STXBP5: variants seen among roughly 807,000 people sequenced by gnomAD.
STXBP5 encodes the protein syntaxin binding protein 5, also known as syntaxin-binding protein 5.
STXBP5 carries 50 observed loss-of-function variants against 152.4 expected under a neutral mutation model. The ratio of observed to expected loss-of-function variants is 0.33; its 90% CI spans 0.26 to 0.42. The LOEUF is 0.42. STXBP5 is among the 10% of genes least tolerant of loss of function. The pLI, the probability that STXBP5 is intolerant of heterozygous loss-of-function variation, is 1.00. For missense variants in STXBP5, 1,167 were observed against 1,388.6 expected (o/e 0.84, Z 2.54); for synonymous variants, 492 against 494.7 (o/e 0.99, Z 0.07).
intron 18 of STXBP5, among the ~76,000 whole-genome samples, chr6:147,332,944 G>GAAAC (rs1562251796): frequency 6.6e-6 from 1 of 151,976 alleles, no homozygotes; most frequent in Admixed American, 6.6e-5. Flanking sequence ...CCTCAAAGTG[G>GAAAC]TTTCCCCTAA....
rs971259264 is a variant in STXBP5 at position 147,363,258 on chromosome 6, T to C, written c.2546-77T>C. The C allele has an allele frequency of 1.7e-5, 24 of 1,389,936 alleles. No homozygotes were observed. The African/African-American group carries it at 3.5e-4, about 20-fold the overall frequency. The allele number at this position is 1,389,936 out of a possible 1,614,324, so 86.1% of individuals were successfully genotyped here. A position where few individuals can be genotyped will look rare whatever the true frequency, so the allele number is the denominator to read the frequency against. On this transcript the variant is annotated intron_variant, in intron 23 of 27. Transcript: ENST00000321680. Reference sequence around the variant, plus strand: ...TCAGCATATATTTAAGTATCTACTGTATGTCAAAGTTAGAATAAACGTGTT... The same window carrying C: ...TCAGCATATATTTAAGTATCTACTGCATGTCAAAGTTAGAATAAACGTGTT...
intron 9 of STXBP5, among the ~76,000 whole-genome samples, chr6:147,304,225 G>A (rs991670268): frequency 4.6e-5 from 7 of 152,284 alleles, no homozygotes; most frequent in Middle Eastern, 3.4e-3. Flanking sequence ...GGGTCTTGCC[G>A]CTTTGTGCAG....
At chr6:147,228,355 G>A (rs1777834434) in intron 2 of STXBP5, among the ~76,000 whole-genome samples, 1 of 151,802 alleles carries the variant, frequency 6.6e-6, no homozygotes, top group African/African-American at 2.4e-5. Context: ...CTAGCAACTA[G>A]CAATTTGATC....
chr6:147,221,177 AAG>A lies in STXBP5; in HGVS notation c.249-14071_249-14070del, dbSNP rs1174522115. Among the ~76,000 whole-genome samples, 6 of 152,218 alleles carry A rather than the reference AAG, an allele frequency of 3.9e-5. No homozygotes were observed. In the East Asian group the frequency reaches 9.6e-4, roughly 24 times the overall value. On this transcript the variant is annotated intron_variant, in intron 2 of 27. Coordinates refer to ENST00000321680, the MANE Select transcript of STXBP5 (RefSeq NM_001127715.4). ...CATATGAGTACCTTGTAATAACAAA[AAG>A]AAATTGTAATTCTTTACTCTGATCA... is the stretch of plus-strand genomic sequence containing the variant.
Position 147,233,071 on chromosome 6 carries a change from C to G in STXBP5, c.249-2179C>G, listed in dbSNP as rs77809201. Among the ~76,000 whole-genome samples, 109 of 151,848 alleles carry G rather than the reference C, an allele frequency of 7.2e-4. 3 individuals are homozygous for G. In the East Asian group the frequency reaches 0.02, roughly 28 times the overall value. ...TTCTGTATTCCCAATCTGTTTATGT[C>G]TATTGTATTAGATATTCTTATCAGG... On this transcript the variant is annotated intron_variant, in intron 2 of 27. Coordinates refer to ENST00000321680, the MANE Select transcript of STXBP5 (RefSeq NM_001127715.4).
At chr6:147,335,313 A>G (rs985691449) in intron 19 of STXBP5, among the ~76,000 whole-genome samples, 2 of 152,176 alleles carry the variant, frequency 1.3e-5, no homozygotes, top group Non-Finnish European at 2.9e-5. Flanking sequence ...TGAATTTGGA[A>G]TTTAGAATTG....
At chr6:147,226,764 A>C (rs1021708915) in intron 2 of STXBP5, among the ~76,000 whole-genome samples, 2 of 152,196 alleles carry the variant, frequency 1.3e-5, no homozygotes, top group South Asian at 4.1e-4. Flanking sequence ...TATTGCTTTT[A>C]TAATTCTGTT....
intron 21 of STXBP5, among the ~76,000 whole-genome samples, chr6:147,352,516 CG>C (rs1784635525): frequency 6.6e-6 from 1 of 152,076 alleles, no homozygotes; most frequent in African/African-American, 2.4e-5. Context: ...GAGGCTGAGG[CG>C]GGAGAATCCC....
chr6:147,241,797 CAT>C (rs1778558960), intron 4 of STXBP5, among the ~76,000 whole-genome samples: 1 of 152,138 alleles, frequency 6.6e-6, no homozygotes. Context: ...ACATTATTCA[CAT>C]GTTTGTAGTA....
chr6:147,325,395 A>G (rs547539007), intron 17 of STXBP5, among the ~76,000 whole-genome samples: 1 of 152,304 alleles, frequency 6.6e-6, no homozygotes, highest in African/African-American at 2.4e-5. Flanking sequence ...CTTATTAATA[A>G]TTACTATAAT....
chr6:147,389,427 A>C lies in STXBP5; in HGVS notation c.*4672A>C, dbSNP rs574928590. On this transcript the variant is annotated 3_prime_UTR_variant, in exon 28 of 28. Coordinates refer to ENST00000321680, the MANE Select transcript of STXBP5 (RefSeq NM_001127715.4). ...TTAATACAGTCAAATTAATTTTAAC[A>C]ATATAGGCACAATTCATTTACAAAT... The C allele has an allele frequency of 6.6e-6, 1 of 151,964 alleles. No homozygotes were observed. The highest frequency in any genetic ancestry group is 2.4e-5 in the African/African-American group (1 of 41,548). 9.4% of individuals were successfully genotyped at this position (151,964 alleles called of 1,614,324 possible). A position where few individuals can be genotyped will look rare whatever the true frequency, so the allele number is the denominator to read the frequency against.
At chr6:147,245,789 A>G (rs1345968435) in intron 4 of STXBP5, among the ~76,000 whole-genome samples, 1 of 152,182 alleles carries the variant, frequency 6.6e-6, no homozygotes, top group Non-Finnish European at 1.5e-5. Flanking sequence ...CATGTGATGA[A>G]GGAGGTAGAA....
chr6:147,327,343 A>G (rs1783316561), intron 18 of STXBP5, 67 bp downstream of exon 18: 1 of 1,539,188 alleles, frequency 6.5e-7, no homozygotes. Context: ...ACTTTTGTGA[A>G]TATAAGTATT....
At chr6:147,278,016 G>T in intron 7 of STXBP5, 65 bp from the exon 8 acceptor site, 1 of 1,367,858 alleles carries the variant, frequency 7.3e-7, no homozygotes, top group Admixed American at 2.1e-5. Context: ...TAATAGATGA[G>T]ATCATTTACA....
At chr6:147,344,936 T>C (rs1441288366) in intron 21 of STXBP5, among the ~76,000 whole-genome samples, 1 of 152,162 alleles carries the variant, frequency 6.6e-6, no homozygotes, top group East Asian at 1.9e-4. Flanking sequence ...GGAAAAAAAT[T>C]GAAGACAAAA....
chr6:147,350,624 A>AT (rs540990908), intron 21 of STXBP5, among the ~76,000 whole-genome samples: 6 of 152,022 alleles, frequency 3.9e-5, no homozygotes, highest in South Asian at 2.1e-4. Flanking sequence ...TTTGTGCTAA[A>AT]TTTTTTTTAT....
chr6:147,235,618 T>C (rs1306591980), intron 3 of STXBP5, among the ~76,000 whole-genome samples: 2 of 152,156 alleles, frequency 1.3e-5, no homozygotes, highest in Non-Finnish European at 2.9e-5. Flanking sequence ...CTGTGTAACA[T>C]AGAACTCTAT....
Position 147,314,652 on chromosome 6 carries a change from A to G in STXBP5, c.1402+16A>G. ...GCTTCTGCAAGTAAGTATTTTTAAT[A>G]TTCATTATTTGTTATATGTTATACA... On this transcript the variant is annotated intron_variant, in intron 14 of 27. Coordinates refer to ENST00000321680, the MANE Select transcript of STXBP5 (RefSeq NM_001127715.4). 1.9e-6 allele frequency: 3 copies of G among 1,596,696 alleles called. No individual in the cohort carries two copies. The highest frequency in any genetic ancestry group is 2.6e-6 in the Non-Finnish European group (3 of 1,169,692).
At chr6:147,255,442 T>G (rs1022437806) in intron 4 of STXBP5, among the ~76,000 whole-genome samples, 3 of 152,138 alleles carry the variant, frequency 2.0e-5, no homozygotes, top group Non-Finnish European at 4.4e-5. Context: ...GCTGGGTGGG[T>G]AGTCAAGAAC....
Sources: gnomAD v4.1 joint callset for allele counts (sites outside exome capture counted in the v4.1 genomes callset) on GRCh38, gnomAD v4.1.1 for gene constraint, MANE v1.5 for transcripts, NCBI Gene and HGNC (gene_info 2026-07-23, HGNC 2026-07-21) for gene names.